The following AHRR variants were observed in gnomAD, a reference collection of about 807,000 sequenced individuals.
AHRR encodes the protein aryl hydrocarbon receptor repressor, also known as ahR repressor.
A neutral mutation model predicts 44.0 loss-of-function variants in AHRR; 28 were observed. The ratio of observed to expected loss-of-function variants is 0.64; its 90% CI spans 0.47 to 0.87. AHRR has a LOEUF of 0.87. Ranked by LOEUF, AHRR falls within the 40% of genes least tolerant of loss-of-function variation. The pLI, the probability that AHRR is intolerant of heterozygous loss-of-function variation, is 0.00. For synonymous variants in AHRR, 434 were observed against 407.0 expected (o/e 1.07, Z -0.80); for missense variants, 990 against 953.9 (o/e 1.04, Z -0.50).
At chr5:376,520 A>C (rs1733668653) in intron 3 of AHRR, 90 bp from the exon 4 acceptor site, 14 of 1,385,182 alleles carry the variant, frequency 1.0e-5, no homozygotes, top group South Asian at 1.5e-5. Context: ...CCGTGGGGTG[A>C]ACGCGGGGAA....
chr5:412,970 C>T (rs1735531289), intron 4 of AHRR, among the ~76,000 whole-genome samples: 1 of 152,062 alleles, frequency 6.6e-6, no homozygotes, highest in East Asian at 1.9e-4. Flanking sequence ...TAATAAAAAT[C>T]CTTAGAAAAG....
chr5:328,100 C>A (rs911674803), intron 1 of AHRR, among the ~76,000 whole-genome samples: 2 of 151,984 alleles, frequency 1.3e-5, no homozygotes, highest in African/African-American at 4.8e-5. Context: ...CATGTCCCTA[C>A]AAAGGACATG....
At chr5:420,115 A>G (rs1001025231) in intron 5 of AHRR, among the ~76,000 whole-genome samples, 2 of 152,238 alleles carry the variant, frequency 1.3e-5, no homozygotes, top group African/African-American at 2.4e-5. Flanking sequence ...CTGCCGCCAT[A>G]GAGCGGCAGA....
At chr5:423,198 A>C (rs1189003124) in intron 6 of AHRR, among the ~76,000 whole-genome samples, 1 of 152,186 alleles carries the variant, frequency 6.6e-6, no homozygotes, top group Admixed American at 6.5e-5. Context: ...GTCTGCCAGG[A>C]AGTTTCATAC....
rs759132390 is a variant in AHRR at position 433,913 on chromosome 5, G to A, written c.1173G>A (p.Arg391=). 5 of 1,526,348 alleles carry A rather than the reference G, an allele frequency of 3.3e-6. No homozygotes were observed. Among genetic ancestry groups the A allele is most frequent in the East Asian group, 2.3e-5 (1 of 43,456 alleles). 94.6% of individuals were successfully genotyped at this position (1,526,348 alleles called of 1,614,324 possible). ...LSRASGVTGR[R]ETPGPTKPLP... is the part of the protein sequence containing the mutation. The stretch of plus-strand genomic sequence containing the variant: ...GGGCCTCTGGAGTGACAGGGCGGAG[G>A]GAGACTCCAGGACCCACAAAGCCCC... The change falls in exon 11 of 11, where the codon AGG becomes AGA. Residue 391 remains arginine, a synonymous_variant. Transcript: ENST00000684583.
In AHRR at chr5:436,443, G is replaced by A. The variant is rs1397721254; in HGVS notation, c.*1609G>A. On this transcript the variant is annotated 3_prime_UTR_variant, in exon 11 of 11. Transcript: ENST00000684583. ...AACCCAGGTTTGGTTGGCAGGACTG[G>A]GTCTTCTGCCCAATGCCAGGTGCCT... is the stretch of plus-strand genomic sequence containing the variant. The A allele has an allele frequency of 6.6e-6, 1 of 152,442 alleles. No individual in the cohort carries two copies. Among genetic ancestry groups the A allele is most frequent in the African/African-American group, 2.4e-5 (1 of 41,444 alleles). The allele number at this position is 152,442 out of a possible 1,614,324, so 9.4% of individuals were successfully genotyped here. A position where few individuals can be genotyped will look rare whatever the true frequency, so the allele number is the denominator to read the frequency against.
intron 1 of AHRR, among the ~76,000 whole-genome samples, chr5:324,141 C>G (rs1158988645): frequency 6.6e-6 from 1 of 151,610 alleles, no homozygotes; most frequent in Non-Finnish European, 1.5e-5. Context: ...CTCACTGCAA[C>G]CTCTGCCTCC....
intron 1 of AHRR, among the ~76,000 whole-genome samples, chr5:340,689 T>TATATATATATATATATATATTTATTTA (rs1491423678): frequency 5.7e-5 from 1 of 17,420 alleles, no homozygotes; most frequent in African/African-American, 2.6e-4. Flanking sequence ...TATATATATA[T>TATATATATATATATATATATTTATTTA]TTTTTTTTTT....
At chr5:330,650 G>A (rs1015875231) in intron 1 of AHRR, among the ~76,000 whole-genome samples, 12 of 151,942 alleles carry the variant, frequency 7.9e-5, no homozygotes, top group Admixed American at 1.3e-4. Flanking sequence ...GGATTACAGT[G>A]TGAGCCACTG....
At chr5:412,618 A>C (rs1464676828) in intron 4 of AHRR, among the ~76,000 whole-genome samples, 4 of 152,202 alleles carry the variant, frequency 2.6e-5, no homozygotes, top group African/African-American at 9.7e-5. Flanking sequence ...ATGATGCATC[A>C]TCAGAAAATC....
chr5:403,390 C>A (rs1735104852), intron 4 of AHRR, among the ~76,000 whole-genome samples: 1 of 152,156 alleles, frequency 6.6e-6, no homozygotes, highest in African/African-American at 2.4e-5. Flanking sequence ...AATCCCAGCA[C>A]TTTGGGAGGC....
At chr5:415,238 C>T (rs537410994) in intron 5 of AHRR, among the ~76,000 whole-genome samples, 3 of 152,372 alleles carry the variant, frequency 2.0e-5, no homozygotes, top group East Asian at 3.9e-4. Context: ...AGGAAAGGGT[C>T]CCAGAGCCAG....
chr5:350,791 A>G (rs919952529), intron 2 of AHRR, among the ~76,000 whole-genome samples: 3 of 145,440 alleles, frequency 2.1e-5, no homozygotes, highest in South Asian at 2.2e-4. Context: ...AAAAAAAAAA[A>G]GAAGTGGAAA....
intron 5 of AHRR, among the ~76,000 whole-genome samples, chr5:420,140 G>A (rs1736004290): frequency 2.0e-5 from 3 of 152,194 alleles, no homozygotes; most frequent in Non-Finnish European, 4.4e-5. Flanking sequence ...TGCAGTTCCT[G>A]GAGGAGAAGG....
chr5:407,472 T>C (rs1172362660), intron 4 of AHRR, among the ~76,000 whole-genome samples: 2 of 152,244 alleles, frequency 1.3e-5, no homozygotes, highest in African/African-American at 4.8e-5. Flanking sequence ...TGGTCATTTT[T>C]CCAGTTTGTA....
chr5:427,771 G>A (rs758219910), intron 7 of AHRR, 36 bp from the exon 8 acceptor site: 2 of 1,612,014 alleles, frequency 1.2e-6, no homozygotes, highest in Non-Finnish European at 1.7e-6. Context: ...AGGCCACTTG[G>A]TGAACACGCC....
chr5:325,245 G>C (rs984393383), intron 1 of AHRR, among the ~76,000 whole-genome samples: 3 of 152,216 alleles, frequency 2.0e-5, no homozygotes, highest in African/African-American at 7.2e-5. Flanking sequence ...GACGAGGGTT[G>C]GTCAGGCTGG....
rs907898417 is a variant in AHRR at position 423,967 on chromosome 5, C to T, written c.698C>T (p.Ser233Leu). 8.8e-6 allele frequency: 14 copies of T among 1,599,586 alleles called. 1 individual carries two copies. The African/African-American group carries it at 1.1e-4, about 12-fold the overall frequency. ...GTGCGCTGCCTGCTGGACAGCACCT[C>T]GGGCTTCCTGGTGAGTGCGTGGGTC... The part of the protein sequence containing the change: ...CRVRCLLDST[S>L]GFLTMQFQGK... Residue 233 changes from serine to leucine, a missense_variant, in exon 7 of 11, where the codon TCG becomes TTG. Coordinates refer to ENST00000684583, the MANE Select transcript of AHRR (RefSeq NM_001377236.1).
chr5:421,433 C>T lies in AHRR; in HGVS notation c.442-1296C>T, dbSNP rs901374072. Reference sequence around the variant, plus strand: ...TCAGAGGCACAGGCAGAAGCAGCCTCGCGGGTGCCGGCGATGCCCTGTGGC... The same window carrying T: ...TCAGAGGCACAGGCAGAAGCAGCCTTGCGGGTGCCGGCGATGCCCTGTGGC... On this transcript the variant is annotated intron_variant, in intron 5 of 10. Transcript: ENST00000684583. The T allele has an allele frequency of 7.9e-5, 43 of 541,346 alleles. No homozygotes were observed. The South Asian group carries it at 8.6e-4, about 11-fold the overall frequency. 33.5% of individuals were successfully genotyped at this position (541,346 alleles called of 1,614,324 possible).
Sources: gnomAD v4.1 joint callset for allele counts (sites outside exome capture counted in the v4.1 genomes callset) on GRCh38, gnomAD v4.1.1 for gene constraint, MANE v1.5 for transcripts, NCBI Gene and HGNC (gene_info 2026-07-23, HGNC 2026-07-21) for gene names.